Variants in ADGRA2 observed in about 807,000 individuals in gnomAD.
ADGRA2 encodes the protein adhesion G protein-coupled receptor A2, also known as G-protein coupled receptor 124.
Under a neutral mutation model 98.7 loss-of-function variants are expected in ADGRA2, and 61 were observed. The ratio of observed to expected loss-of-function variants is 0.62; its 90% CI spans 0.50 to 0.76. The LOEUF is 0.76. ADGRA2 is among the 30% of genes least tolerant of loss of function. The probability of loss-of-function intolerance (pLI) is 0.00; values close to 1 mark genes in which losing one functional copy is unlikely to be tolerated. For missense variants in ADGRA2, 1,712 were observed against 1,860.0 expected (o/e 0.92, Z 1.46); for synonymous variants, 858 against 831.5 (o/e 1.03, Z -0.55).
rs1585397980 is a variant in ADGRA2 at position 37,830,756 on chromosome 8, C to T, written c.765C>T (p.Arg255=). Residue 255 remains arginine, a synonymous_variant, in exon 7 of 19, where the codon CGC becomes CGT. Transcript: ENST00000412232. This position sits in a 1 kb window ranked among gnomAD's most constrained non-coding sequence, Gnocchi z 4.8. ...LHTHHLIPSL[R]QVVFQGDRLP... The stretch of plus-strand genomic sequence containing the variant: ...CACACCACCTCATCCCGTCCCTACG[C>T]CAAGTGGTGTTCCAGGGGGATCGGC... 6.2e-7 allele frequency: 1 copy of T among 1,605,704 alleles called. No individual in the cohort carries two copies. The highest frequency in any genetic ancestry group is 1.1e-5 in the South Asian group (1 of 89,324).
chr8:37,798,770 A>G (rs1163579317), intron 1 of ADGRA2, among the ~76,000 whole-genome samples: 2 of 152,238 alleles, frequency 1.3e-5, no homozygotes, highest in South Asian at 2.1e-4. Context: ...GCTTCCTGAC[A>G]GGACACAACT....
chr8:37,808,004 C>T (rs1255270038), intron 1 of ADGRA2, among the ~76,000 whole-genome samples: 2 of 152,154 alleles, frequency 1.3e-5, no homozygotes, highest in Non-Finnish European at 2.9e-5. Flanking sequence ...GCCCAGAGCC[C>T]ACAGAGCCTC....
intron 2 of ADGRA2, among the ~76,000 whole-genome samples, chr8:37,825,410 A>ATTT (rs750368833): frequency 7.2e-6 from 1 of 138,108 alleles, no homozygotes. Context: ...CATTGGCTAA[A>ATTT]TTTTTTTTTT....
At chr8:37,808,197 C>T (rs1804731545) in intron 1 of ADGRA2, among the ~76,000 whole-genome samples, 1 of 152,196 alleles carries the variant, frequency 6.6e-6, no homozygotes, top group South Asian at 2.1e-4. Flanking sequence ...AGGGACTGGC[C>T]CTCCTTCCTG....
Position 37,841,954 on chromosome 8 carries a change from G to T in ADGRA2, c.3616G>T (p.Gly1206Trp). The T allele has an allele frequency of 6.6e-7, 1 of 1,505,062 alleles. No individual in the cohort carries two copies. The highest frequency in any genetic ancestry group is 8.8e-7 in the Non-Finnish European group (1 of 1,135,748). 93.2% of individuals were successfully genotyped at this position (1,505,062 alleles called of 1,614,324 possible). The change falls in exon 19 of 19, where the codon GGG (glycine) becomes TGG (tryptophan). Residue 1206 changes from glycine (G) to tryptophan (W), a missense_variant. Transcript: ENST00000412232. The surrounding 1 kb of genome is among the most constrained non-coding windows in gnomAD (Gnocchi z 5.0). ...CAAGAACCGGCTCAAGGCCCTGCGC[G>T]GGGGCGCGGCGGGGGCGCTGGAGCT... ...CGKNRLKALR[G>W]GAAGALELLS...
intron 1 of ADGRA2, among the ~76,000 whole-genome samples, chr8:37,812,153 GTGTTGTTGTTGT>G (rs36232957): frequency 1.8e-4 from 26 of 142,220 alleles, no homozygotes; most frequent in South Asian, 4.5e-4. Context: ...ACTTGCAATG[GTGTTGTTGTTGT>G]TGTTGTTGTT....
chr8:37,839,069 C>A lies in ADGRA2; in HGVS notation c.2373C>A (p.Tyr791Ter). ...GCCTCTTCGCCACCATCATCACCTA[C>A]ATCCTCAACCACAGGTGGGTGCTCC... ...LLCLFATIIT[Y>*]ILNHSSIRVS... The change falls in exon 15 of 19, where the codon TAC becomes TAA. Residue 791 changes from tyrosine (Y) to a stop codon, truncating the protein, a stop_gained. Coordinates refer to ENST00000412232, the MANE Select transcript of ADGRA2 (RefSeq NM_032777.10). LOFTEE classifies it high-confidence loss of function. 1 of 1,608,906 alleles carries A rather than the reference C, an allele frequency of 6.2e-7. No homozygotes were observed. The highest frequency in any genetic ancestry group is 8.5e-7 in the Non-Finnish European group (1 of 1,177,344).
intron 8 of ADGRA2, among the ~76,000 whole-genome samples, chr8:37,832,131 T>TTTA (rs397796175): frequency 6.6e-6 from 1 of 151,546 alleles, no homozygotes; most frequent in African/African-American, 2.4e-5. Context: ...TTTTTTTTTT[T>TTTA]GAGAGAGAGT....
At chr8:37,810,368 G>A (rs1462327915) in intron 1 of ADGRA2, among the ~76,000 whole-genome samples, 1 of 151,924 alleles carries the variant, frequency 6.6e-6, no homozygotes, top group African/African-American at 2.4e-5. Flanking sequence ...AATTAGCTGG[G>A]TGTGGTGGCA....
At chr8:37,819,072 T>A (rs1273243531) in intron 2 of ADGRA2, among the ~76,000 whole-genome samples, 1 of 152,174 alleles carries the variant, frequency 6.6e-6, no homozygotes, top group Non-Finnish European at 1.5e-5. Flanking sequence ...GGGTGGCTAC[T>A]GGGGTGGCCT....
At chr8:37,810,327 G>T (rs1335191894) in intron 1 of ADGRA2, among the ~76,000 whole-genome samples, 1 of 151,534 alleles carries the variant, frequency 6.6e-6, no homozygotes, top group Non-Finnish European at 1.5e-5. Flanking sequence ...TGGCCAACAT[G>T]GTGAAACCCC....
At chr8:37,828,376 C>G (rs1461796666) in intron 2 of ADGRA2, among the ~76,000 whole-genome samples, 1 of 152,096 alleles carries the variant, frequency 6.6e-6, no homozygotes, top group East Asian at 1.9e-4. Context: ...TGTCTGAGGC[C>G]CTTGTGATCC....
At position 37,830,570 on chromosome 8, in the gene ADGRA2, C is replaced by A; in HGVS notation, c.719-140C>A. 2 of 636,978 alleles carry A rather than the reference C, an allele frequency of 3.1e-6. No individual in the cohort carries two copies. Among genetic ancestry groups the A allele is most frequent in the Admixed American group, 2.6e-5 (1 of 39,002 alleles). 39.5% of individuals were successfully genotyped at this position (636,978 alleles called of 1,614,324 possible). A position where few individuals can be genotyped will look rare whatever the true frequency, so the allele number is the denominator to read the frequency against. On this transcript the variant is annotated intron_variant, in intron 6 of 18. Transcript: ENST00000412232. The surrounding 1 kb of genome is among the most constrained non-coding windows in gnomAD (Gnocchi z 4.8). ...CTTACCCCTAGAGACTTTCTCTTGA[C>A]CCCTTTTCCTTCCCAGCTGGAGCAG...
chr8:37,833,367 GC>G (rs1037710496), intron 9 of ADGRA2, among the ~76,000 whole-genome samples, 159 bp downstream of exon 9: 1 of 152,192 alleles, frequency 6.6e-6, no homozygotes, highest in Non-Finnish European at 1.5e-5. Flanking sequence ...TCCTCCAGCC[GC>G]CCTCTGCTAT....
At chr8:37,799,417 C>T (rs1489852169) in intron 1 of ADGRA2, among the ~76,000 whole-genome samples, 1 of 151,528 alleles carries the variant, frequency 6.6e-6, no homozygotes, top group East Asian at 1.9e-4. Context: ...GCTGTGCGTG[C>T]ATGTGTGCAC....
chr8:37,828,943 G>T lies in ADGRA2; in HGVS notation c.394G>T (p.Gly132Trp), dbSNP rs1168187548. ...GCAGCCGGGCGCCTTCCTGGGCCTG[G>T]GGGAGCTGAAGCGTTTGTGAGTGGC... ...TVQPGAFLGL[G>W]ELKRLDLSNN... Residue 132 changes from glycine to tryptophan, a missense_variant, in exon 3 of 19, where the codon GGG (glycine) becomes TGG (tryptophan). Coordinates refer to ENST00000412232, the MANE Select transcript of ADGRA2 (RefSeq NM_032777.10). 2 of 1,581,310 alleles carry T rather than the reference G, an allele frequency of 1.3e-6. No homozygotes were observed. The highest frequency in any genetic ancestry group is 8.6e-7 in the Non-Finnish European group (1 of 1,166,248).
At position 37,797,210 on chromosome 8, in the gene ADGRA2, C is replaced by G; in HGVS notation, c.-59C>G. 1 of 1,185,370 alleles carries G rather than the reference C, an allele frequency of 8.4e-7. No homozygotes were observed. Among genetic ancestry groups the G allele is most frequent in the Non-Finnish European group, 1.0e-6 (1 of 955,758 alleles). 73.4% of individuals were successfully genotyped at this position (1,185,370 alleles called of 1,614,324 possible). The stretch of plus-strand genomic sequence containing the variant: ...AGCACTCCTCCCGCACGCCTGGGTC[C>G]CTCCGGCCGGCGCGCAGCCCGGCCC... On this transcript the variant is annotated 5_prime_UTR_variant, in exon 1 of 19. Coordinates refer to ENST00000412232, the MANE Select transcript of ADGRA2 (RefSeq NM_032777.10). The surrounding 1 kb of genome is among the most constrained non-coding windows in gnomAD (Gnocchi z 5.3).
chr8:37,798,431 C>A (rs1030777376), intron 1 of ADGRA2, among the ~76,000 whole-genome samples: 3 of 152,210 alleles, frequency 2.0e-5, no homozygotes, highest in Admixed American at 6.5e-5. Context: ...GCGCCGCAGC[C>A]CGACCCCAAG....
At chr8:37,831,653 C>A in intron 8 of ADGRA2, 66 bp downstream of exon 8, 1 of 1,453,714 alleles carries the variant, frequency 6.9e-7, no homozygotes, top group Non-Finnish European at 9.5e-7. Context: ...CCTGACATCA[C>A]AGGTGGCCAG....
Sources: gnomAD v4.1 joint callset for allele counts (sites outside exome capture counted in the v4.1 genomes callset) on GRCh38, gnomAD v4.1.1 for gene constraint, Gnocchi (gnomAD v3.1) non-coding constraint, MANE v1.5 for transcripts, NCBI Gene and HGNC (gene_info 2026-07-23, HGNC 2026-07-21) for gene names.